The following SNW1 variants were observed in gnomAD, a reference collection of about 807,000 sequenced individuals.
The protein encoded by SNW1 is SNW domain containing 1, also known as SNW domain-containing protein 1.
A neutral mutation model predicts 75.6 loss-of-function variants in SNW1; 9 were observed. The observed-to-expected ratio is 0.12, with a 90% CI of 0.07 to 0.21. The LOEUF (loss-of-function observed/expected upper bound fraction) is 0.21, where lower values mean the gene tolerates loss of function less well. Ranked by LOEUF, SNW1 falls within the 10% of genes least tolerant of loss-of-function variation. The pLI is 1.00. For missense variants in SNW1, 409 were observed against 670.9 expected, an observed-to-expected ratio of 0.61 and a Z score of 4.31; for synonymous variants, 200 against 219.1, an observed-to-expected ratio of 0.91 and a Z score of 0.77.
At position 77,739,409 on chromosome 14, in the gene SNW1, C is replaced by T. The variant is rs1288993383; in HGVS notation, c.331-348G>A. 3.9e-5 allele frequency among the ~76,000 whole-genome samples: 6 copies of T among 152,094 alleles called. No homozygotes were observed. In the East Asian group the frequency reaches 1.2e-3, roughly 29 times the overall value. On this transcript the variant is annotated intron_variant, in intron 3 of 13. Coordinates refer to ENST00000261531, the MANE Select transcript of SNW1 (RefSeq NM_012245.3). ...TGATAATACAAATTGCCTATAGCACCATTAACCTGGATTACAAACTCATCA... is the reference window on the plus strand; with the variant it reads ...TGATAATACAAATTGCCTATAGCACTATTAACCTGGATTACAAACTCATCA...
At position 77,755,017 on chromosome 14, in the gene SNW1, C is replaced by T. The variant is rs758918275; in HGVS notation, c.118G>A (p.Glu40Lys). ...TTCCGGTATCCGTACGGGGGAGGTT[C>T]TCTTCGGGAGGAGACCAGTGAGGTC... ...RQTSLVSSRR[E>K]PPPYGYRKGW... Residue 40 changes from glutamate (E) to lysine (K), a missense_variant, in exon 2 of 14, where the codon GAA becomes AAA. Glu to Lys is a moderately conservative substitution (Grantham distance 56, BLOSUM62 1). Around this residue, in one of 9 missense-constraint regions of SNW1, gnomAD observed 73 missense variants for 68.3 expected, o/e 1.07. Coordinates refer to ENST00000261531, the MANE Select transcript of SNW1 (RefSeq NM_012245.3). The T allele has an allele frequency of 6.2e-7, 1 of 1,610,802 alleles. No individual in the cohort carries two copies. Among genetic ancestry groups the T allele is most frequent in the East Asian group, 2.2e-5 (1 of 44,852 alleles).
rs183543232 is a variant in SNW1 at position 77,730,520 on chromosome 14, T to C, written c.1033+468A>G. 5.3e-5 allele frequency among the ~76,000 whole-genome samples: 8 copies of C among 152,320 alleles called. No homozygotes were observed. The East Asian group carries it at 1.2e-3, about 22-fold the overall frequency. On this transcript the variant is annotated intron_variant, in intron 10 of 13. Coordinates refer to ENST00000261531, the MANE Select transcript of SNW1 (RefSeq NM_012245.3). ...CTTAGGACTCGACTTCCCACTCTAA[T>C]TGAATTAATACACCAATGTAGACCA...
intron 2 of SNW1, among the ~76,000 whole-genome samples, chr14:77,751,863 A>AC (rs2080812397): frequency 2.0e-5 from 3 of 150,196 alleles, no homozygotes; most frequent in African/African-American, 7.3e-5. Context: ...ACACACACAC[A>AC]AAGCATTTTC....
intron 10 of SNW1, among the ~76,000 whole-genome samples, chr14:77,725,969 T>TC (rs1192261341): frequency 6.6e-6 from 1 of 152,212 alleles, no homozygotes; most frequent in African/African-American, 2.4e-5. Context: ...TTCTGGGTTC[T>TC]CTATTCTGTT....
chr14:77,730,563 G>C (rs547416912), intron 10 of SNW1, among the ~76,000 whole-genome samples: 1 of 152,158 alleles, frequency 6.6e-6, no homozygotes, highest in Non-Finnish European at 1.5e-5. Flanking sequence ...AAGTCAGAGA[G>C]AAAATACTGG....
intron 1 of SNW1, chr14:77,760,865 G>A (rs2080884596): frequency 1.2e-6 from 1 of 809,560 alleles, no homozygotes; most frequent in Admixed American, 2.0e-5. Flanking sequence ...CCACTCTTCA[G>A]TGTCTGAGAC....
chr14:77,740,478 C>G (rs2080709670), intron 3 of SNW1, among the ~76,000 whole-genome samples: 1 of 152,140 alleles, frequency 6.6e-6, no homozygotes, highest in African/African-American at 2.4e-5. Flanking sequence ...CTGACTTTGC[C>G]TATGCCTTCA....
intron 1 of SNW1, among the ~76,000 whole-genome samples, chr14:77,759,881 G>A (rs1203101446): frequency 6.6e-6 from 1 of 151,858 alleles, no homozygotes; most frequent in Non-Finnish European, 1.5e-5. Flanking sequence ...ACTTTCGGAG[G>A]CCGAGACAGG....
intron 1 of SNW1, among the ~76,000 whole-genome samples, chr14:77,756,747 C>G (rs1383092024): frequency 6.6e-6 from 1 of 152,108 alleles, no homozygotes; most frequent in Non-Finnish European, 1.5e-5. Context: ...GCCAGGCGTG[C>G]TGGTGTGCGC....
At chr14:77,760,901 A>G in intron 1 of SNW1, 1 of 1,063,364 alleles carries the variant, frequency 9.4e-7, no homozygotes, top group Non-Finnish European at 1.4e-6. Context: ...GGCCTCGGTG[A>G]GCGGGTGAAC....
chr14:77,720,554 G>T, intron 12 of SNW1, 157 bp downstream of exon 12: 3 of 769,576 alleles, frequency 3.9e-6, no homozygotes, highest in Non-Finnish European at 7.2e-6. Context: ...GTTAAAATCA[G>T]AACTGTTTCA....
chr14:77,760,742 G>A (rs796871776), intron 1 of SNW1: 2 of 702,620 alleles, frequency 2.8e-6, no homozygotes, highest in African/African-American at 1.7e-5. Flanking sequence ...CGCAGCCCGC[G>A]CGCTTCACTC....
chr14:77,747,676 C>T (rs1377574567), intron 3 of SNW1, among the ~76,000 whole-genome samples: 2 of 151,172 alleles, frequency 1.3e-5, no homozygotes, highest in South Asian at 2.1e-4. Context: ...AGCGACTCCG[C>T]CCGGCAGCCG....
intron 8 of SNW1, among the ~76,000 whole-genome samples, chr14:77,734,469 G>A (rs374218299): frequency 1.3e-5 from 2 of 152,226 alleles, no homozygotes; most frequent in South Asian, 4.1e-4. Flanking sequence ...GCCGGGTGCG[G>A]TGGCTCACAC....
rs769784069 is a variant in SNW1 at position 77,761,056 on chromosome 14, TGAA to T, written c.14+55_14+57del. 14 of 1,614,190 alleles carry T rather than the reference TGAA, an allele frequency of 8.7e-6. No individual in the cohort carries two copies. The African/African-American group carries it at 1.6e-4, about 18-fold the overall frequency. ...CGCCCGGAGGGTATGGGAAGAGAAA[TGAA>T]GAAGACTGGTACTCCCAGACCCTTC... On this transcript the variant is annotated intron_variant, in intron 1 of 13. Coordinates refer to ENST00000261531, the MANE Select transcript of SNW1 (RefSeq NM_012245.3).
At chr14:77,746,900 C>T (rs2080764353) in intron 3 of SNW1, among the ~76,000 whole-genome samples, 1 of 150,862 alleles carries the variant, frequency 6.6e-6, no homozygotes, top group African/African-American at 2.5e-5. Flanking sequence ...GCTCCCCCTC[C>T]CCCTCCCCCC....
chr14:77,753,705 A>C (rs1321061336), intron 2 of SNW1, among the ~76,000 whole-genome samples: 1 of 152,032 alleles, frequency 6.6e-6, no homozygotes, highest in Non-Finnish European at 1.5e-5. Context: ...TAATCCCAGC[A>C]CTTTAGGAGG....
At chr14:77,723,375 C>T (rs1243143891) in intron 10 of SNW1, 98 bp from the exon 11 acceptor site, 8 of 871,908 alleles carry the variant, frequency 9.2e-6, no homozygotes, top group African/African-American at 1.7e-5. Context: ...AAAGAGACAG[C>T]ATCTCACTCT....
chr14:77,720,168 T>C (rs910181761), intron 12 of SNW1, among the ~76,000 whole-genome samples: 4 of 152,052 alleles, frequency 2.6e-5, no homozygotes, highest in Non-Finnish European at 5.9e-5. Context: ...CACTGACTCT[T>C]TTATTTTTTT....
Sources: gnomAD v4.1 joint callset for allele counts (sites outside exome capture counted in the v4.1 genomes callset) on GRCh38, gnomAD v4.1.1 for gene constraint, gnomAD v4.1.1 regional missense constraint, MANE v1.5 for transcripts, NCBI Gene and HGNC (gene_info 2026-07-23, HGNC 2026-07-21) for gene names.